The following ADAM29 variants were observed in gnomAD, a reference collection of about 807,000 sequenced individuals.
The protein encoded by ADAM29 is disintegrin and metalloproteinase domain-containing protein 29.
For synonymous variants in ADAM29, 367 were observed against 342.3 expected, an observed-to-expected ratio of 1.07 and a Z score of -0.80; for missense variants, 969 against 1,001.8, an observed-to-expected ratio of 0.97 and a Z score of 0.44.
At chr4:174,950,809 C>T (rs1018001274) in intron 4 of ADAM29, among the ~76,000 whole-genome samples, 1 of 152,098 alleles carries the variant, frequency 6.6e-6, no homozygotes, top group Non-Finnish European at 1.5e-5. Flanking sequence ...TGGGGGCAGA[C>T]GTCCCCCTTC....
At chr4:174,951,527 G>T (rs1010470104) in intron 4 of ADAM29, among the ~76,000 whole-genome samples, 8 of 152,170 alleles carry the variant, frequency 5.3e-5, no homozygotes, top group Non-Finnish European at 1.2e-4. Context: ...TTCACAACTT[G>T]AGGTGAGTTG....
At chr4:174,950,326 A>C (rs1745096129) in intron 4 of ADAM29, among the ~76,000 whole-genome samples, 1 of 152,208 alleles carries the variant, frequency 6.6e-6, no homozygotes, top group South Asian at 2.1e-4. Context: ...TTCCAACTAA[A>C]GCATTCAACA....
intron 2 of ADAM29, among the ~76,000 whole-genome samples, chr4:174,929,937 G>C (rs938997964): frequency 3.1e-4 from 46 of 150,472 alleles, no homozygotes; most frequent in Middle Eastern, 6.8e-3. Flanking sequence ...TTGTTTGTTA[G>C]TTTGTTTTTG....
chr4:174,963,863 G>A (rs899521766), intron 4 of ADAM29, among the ~76,000 whole-genome samples: 16 of 152,134 alleles, frequency 1.1e-4, no homozygotes, highest in South Asian at 2.1e-4. Context: ...TGCATTTTTA[G>A]TAGAGACGGG....
intron 4 of ADAM29, among the ~76,000 whole-genome samples, chr4:174,960,793 C>T (rs1745769001): frequency 1.3e-5 from 2 of 152,128 alleles, no homozygotes; most frequent in African/African-American, 4.8e-5. Flanking sequence ...TAGGTCTCAT[C>T]AAACCAGGCC....
At chr4:174,926,269 A>C (rs1743511617) in intron 2 of ADAM29, among the ~76,000 whole-genome samples, 1 of 152,150 alleles carries the variant, frequency 6.6e-6, no homozygotes, top group Non-Finnish European at 1.5e-5. Flanking sequence ...ATAACGCTTC[A>C]AATTGATGCT....
chr4:174,947,147 T>C (rs1744900473), intron 4 of ADAM29, among the ~76,000 whole-genome samples: 1 of 152,092 alleles, frequency 6.6e-6, no homozygotes. Flanking sequence ...TCTCTTTTAT[T>C]AGTCTATCTA....
intron 4 of ADAM29, among the ~76,000 whole-genome samples, chr4:174,938,477 G>A (rs1230354047): frequency 1.3e-5 from 2 of 152,092 alleles, no homozygotes; most frequent in East Asian, 3.9e-4. Context: ...TTTTTATGAA[G>A]GAGGAGGAAA....
chr4:174,930,781 A>T (rs1020880628), intron 2 of ADAM29, among the ~76,000 whole-genome samples: 1 of 152,052 alleles, frequency 6.6e-6, no homozygotes, highest in Non-Finnish European at 1.5e-5. Context: ...TAAAAGAATG[A>T]TTTTCTTCTG....
chr4:174,927,115 G>T (rs1743566188), intron 2 of ADAM29, among the ~76,000 whole-genome samples: 1 of 152,096 alleles, frequency 6.6e-6, no homozygotes, highest in Non-Finnish European at 1.5e-5. Flanking sequence ...AATACCAAGT[G>T]CTAGCAAGAA....
At chr4:174,935,035 C>T (rs910839150) in intron 3 of ADAM29, among the ~76,000 whole-genome samples, 7 of 152,040 alleles carry the variant, frequency 4.6e-5, no homozygotes, top group Non-Finnish European at 7.4e-5. Flanking sequence ...AGACATAGTA[C>T]ATATTATTGT....
intron 4 of ADAM29, among the ~76,000 whole-genome samples, chr4:174,964,464 C>A (rs1345129996): frequency 6.6e-6 from 1 of 151,910 alleles, no homozygotes; most frequent in Non-Finnish European, 1.5e-5. Context: ...TTTGGCAGCC[C>A]TACTAAACTA....
intron 2 of ADAM29, among the ~76,000 whole-genome samples, chr4:174,922,737 AT>A (rs1743236790): frequency 1.3e-5 from 2 of 152,088 alleles, no homozygotes; most frequent in South Asian, 4.2e-4. Context: ...CCTAAAAAAT[AT>A]TTATTCTGTT....
At chr4:174,944,019 A>G (rs1744696483) in intron 4 of ADAM29, among the ~76,000 whole-genome samples, 1 of 151,964 alleles carries the variant, frequency 6.6e-6, no homozygotes, top group Non-Finnish European at 1.5e-5. Flanking sequence ...AAACACTGTT[A>G]TATAGTAATG....
At chr4:174,943,600 A>G (rs560820336) in intron 4 of ADAM29, among the ~76,000 whole-genome samples, 27 of 152,190 alleles carry the variant, frequency 1.8e-4, no homozygotes, top group African/African-American at 6.5e-4. Context: ...GTATGGGGGA[A>G]ATCCACCCCC....
At chr4:174,950,583 C>T (rs1339421369) in intron 4 of ADAM29, among the ~76,000 whole-genome samples, 1 of 152,098 alleles carries the variant, frequency 6.6e-6, no homozygotes, top group African/African-American at 2.4e-5. Flanking sequence ...ACACACATTG[C>T]TTACAAGTAA....
At chr4:174,948,778 C>A (rs986467266) in intron 4 of ADAM29, among the ~76,000 whole-genome samples, 1 of 152,068 alleles carries the variant, frequency 6.6e-6, no homozygotes, top group South Asian at 2.1e-4. Flanking sequence ...GGGGCACTGG[C>A]AGAGCTGAGG....
At chr4:174,937,983 C>T (rs1038457246) in intron 4 of ADAM29, among the ~76,000 whole-genome samples, 2 of 151,988 alleles carry the variant, frequency 1.3e-5, no homozygotes. Context: ...GTGTTGGCAG[C>T]TGCATGGTCT....
At position 174,976,587 on chromosome 4, in the gene ADAM29, C is replaced by T; in HGVS notation, c.1062C>T (p.Cys354=). 1 of 1,603,678 alleles carries T rather than the reference C, an allele frequency of 6.2e-7. No individual in the cohort carries two copies. The highest frequency in any genetic ancestry group is 8.5e-7 in the Non-Finnish European group (1 of 1,174,946). ...EDTCRCSQPR[C]IMHEGNPPIT... is the part of the protein sequence containing the mutation. ...CATGTCGTTGTTCACAACCTAGATG[C>T]ATAATGCATGAAGGCAACCCACCAA... Residue 354 remains cysteine, a synonymous_variant, in exon 5 of 5, where the codon TGC becomes TGT. Transcript: ENST00000359240.
Sources: gnomAD v4.1 joint callset for allele counts (sites outside exome capture counted in the v4.1 genomes callset) on GRCh38, gnomAD v4.1.1 for gene constraint, MANE v1.5 for transcripts, NCBI Gene and HGNC (gene_info 2026-07-23, HGNC 2026-07-21) for gene names.